Variants in ASB15 observed in about 807,000 individuals in gnomAD.
The protein encoded by ASB15 is ankyrin repeat and SOCS box containing 15.
Under a neutral mutation model 58.0 loss-of-function variants are expected in ASB15, and 54 were observed. The observed-to-expected ratio is 0.93, with a 90% CI of 0.75 to 1.17. The LOEUF is 1.17. ASB15 is among the 50% of genes most tolerant of loss of function. ASB15 has a pLI of 0.00. For synonymous variants in ASB15, 249 were observed against 262.4 expected, an observed-to-expected ratio of 0.95 and a Z score of 0.50; for missense variants, 680 against 707.4, an observed-to-expected ratio of 0.96 and a Z score of 0.44.
chr7:123,578,602 C>T (rs1030894672), intron 1 of ASB15, among the ~76,000 whole-genome samples: 1 of 151,992 alleles, frequency 6.6e-6, no homozygotes, highest in East Asian at 1.9e-4. Flanking sequence ...ATTATGGAGA[C>T]CTTTGCCAAT....
intron 4 of ASB15, 71 bp from the exon 5 acceptor site, chr7:123,616,150 A>T: frequency 3.2e-6 from 4 of 1,258,334 alleles, no homozygotes; most frequent in Non-Finnish European, 4.5e-6. Context: ...TGCAATATAA[A>T]TTAAAATGTT....
chr7:123,603,887 T>A (rs1044165157), intron 1 of ASB15, 145 bp from the exon 2 acceptor site: 1 of 152,328 alleles, frequency 6.6e-6, no homozygotes, highest in South Asian at 2.1e-4. Flanking sequence ...TTATCTGAAC[T>A]TGGACTAAAT....
chr7:123,608,265 C>T (rs1036830558), intron 2 of ASB15, among the ~76,000 whole-genome samples: 7 of 152,086 alleles, frequency 4.6e-5, no homozygotes, highest in African/African-American at 1.4e-4. Flanking sequence ...GAAGAGAATT[C>T]GGCAAAAATA....
chr7:123,617,563 T>C lies in ASB15; in HGVS notation c.293-16T>C. On this transcript the variant is annotated splice_polypyrimidine_tract_variant and intron_variant, in intron 6 of 11. Transcript: ENST00000451215. Reference sequence around the variant, plus strand: ...GAGTATTTTCAACTTTTCAACATAATGCTTTCATGTCACAGCATCCTATAA... The same window carrying C: ...GAGTATTTTCAACTTTTCAACATAACGCTTTCATGTCACAGCATCCTATAA... The C allele has an allele frequency of 6.3e-7, 1 of 1,592,600 alleles. No homozygotes were observed.
At chr7:123,634,428 A>T (rs905480964) in intron 11 of ASB15, among the ~76,000 whole-genome samples, 2 of 152,184 alleles carry the variant, frequency 1.3e-5, no homozygotes, top group African/African-American at 4.8e-5. Flanking sequence ...ATATGTATCA[A>T]ACTTTCTTTA....
chr7:123,571,606 A>G (rs900062420), intron 1 of ASB15, among the ~76,000 whole-genome samples: 6 of 152,256 alleles, frequency 3.9e-5, no homozygotes, highest in African/African-American at 1.4e-4. Context: ...GAAGCATTAT[A>G]TCAAAAAATA....
At chr7:123,591,628 C>T (rs1218263341) in intron 1 of ASB15, among the ~76,000 whole-genome samples, 1 of 152,178 alleles carries the variant, frequency 6.6e-6, no homozygotes, top group Non-Finnish European at 1.5e-5. Flanking sequence ...ATGAACCAGA[C>T]TTGCATCCCA....
Position 123,624,683 on chromosome 7 carries a change from GA to G in ASB15, c.570del (p.Asp191IlefsTer3). ...SAMHEAAKQG[R>X]KDIVALLLKH... ...ATGCATGAAGCAGCCAAGCAAGGCC[GA>G]AAAGATATCGTAGCTCTGCTGCTGA... On this transcript the variant is annotated frameshift_variant, in exon 8 of 12. Coordinates refer to ENST00000451215, the MANE Select transcript of ASB15 (RefSeq NM_001290258.2). LOFTEE classifies it high-confidence loss of function. 6.2e-7 allele frequency: 1 copy of G among 1,614,116 alleles called. No homozygotes were observed.
chr7:123,598,573 A>G (rs967693133), upstream of ASB15, among the ~76,000 whole-genome samples: 3 of 152,340 alleles, frequency 2.0e-5, no homozygotes, highest in South Asian at 2.1e-4. Context: ...ATTGACTTAA[A>G]CTTTGGTTAA....
At chr7:123,584,476 C>T (rs1799324289) in intron 1 of ASB15, among the ~76,000 whole-genome samples, 1 of 151,950 alleles carries the variant, frequency 6.6e-6, no homozygotes. Flanking sequence ...ATGGAAGTCA[C>T]ACTTAAGAGT....
chr7:123,623,449 A>G (rs1801466920), intron 7 of ASB15, among the ~76,000 whole-genome samples: 2 of 152,170 alleles, frequency 1.3e-5, no homozygotes, highest in Non-Finnish European at 2.9e-5. Flanking sequence ...AGAGAGGGAG[A>G]GGGACAACTG....
At chr7:123,597,848 C>T (rs117465552), upstream of ASB15, among the ~76,000 whole-genome samples, 112 of 151,944 alleles carry the variant, frequency 7.4e-4, no homozygotes, top group East Asian at 0.016. Flanking sequence ...AATAATCCTT[C>T]ACAGATATGG....
chr7:123,575,895 T>G (rs1799051400), intron 1 of ASB15, among the ~76,000 whole-genome samples: 1 of 150,850 alleles, frequency 6.6e-6, no homozygotes. Context: ...TTCCCTGGCA[T>G]GCATAGTGTG....
rs182030519 is a variant in ASB15, at chr7:123,631,117, C to T, written c.1594+998C>T. On this transcript the variant is annotated intron_variant, in intron 11 of 11. Transcript: ENST00000451215. ...CAACAATTTATTGTTACCATTTTTG[C>T]TTCTCTAAGTGGAGGAGGATTTTTT... Among the ~76,000 whole-genome samples the T allele has an allele frequency of 4.3e-3, 655 of 152,236 alleles. 2 individuals carry two copies. The highest frequency in any genetic ancestry group is 5.5e-3 in the Non-Finnish European group (375 of 68,000).
chr7:123,628,841 GAT>G (rs1462696023), intron 9 of ASB15, 21 bp from the exon 10 acceptor site: 28 of 1,417,562 alleles, frequency 2.0e-5, no homozygotes, highest in Non-Finnish European at 2.6e-5. Flanking sequence ...ATGGCAAGTA[GAT>G]ATTTGACTTT....
Position 123,636,850 on chromosome 7 carries a change from C to T in ASB15, c.1636C>T (p.Arg546Ter), listed in dbSNP as rs1237485684. 4.3e-6 allele frequency: 7 copies of T among 1,611,308 alleles called. No individual in the cohort carries two copies. Among genetic ancestry groups the T allele is most frequent in the East Asian group, 2.2e-5 (1 of 44,862 alleles). ...SLKHLCRLKIRRLMGLQKLCQ... is the reference protein window; with the variant it reads ...SLKHLCRLKI ...GAAGCATTTGTGTCGGTTAAAAATT[C>T]GAAGGCTTATGGGTCTCCAGAAACT... The change falls in exon 12 of 12, where the codon CGA becomes TGA. Residue 546 changes from arginine to a stop codon, truncating the protein, a stop_gained. Transcript: ENST00000451215. LOFTEE classifies it high-confidence loss of function.
At chr7:123,632,193 G>A (rs1486308364) in intron 11 of ASB15, among the ~76,000 whole-genome samples, 2 of 152,048 alleles carry the variant, frequency 1.3e-5, no homozygotes, top group Non-Finnish European at 2.9e-5. Flanking sequence ...TAAAAAGCAT[G>A]AGGAAAATAA....
intron 4 of ASB15, among the ~76,000 whole-genome samples, chr7:123,615,070 A>G (rs1800712966): frequency 1.3e-5 from 2 of 152,200 alleles, no homozygotes; most frequent in Non-Finnish European, 1.5e-5. Context: ...ATGCTAAGCC[A>G]TGTAGCCCAT....
At chr7:123,623,655 G>C (rs1024071789) in intron 7 of ASB15, among the ~76,000 whole-genome samples, 2 of 151,988 alleles carry the variant, frequency 1.3e-5, no homozygotes, top group African/African-American at 4.8e-5. Context: ...CACGAGGTCA[G>C]GAGTTTGAGA....
Sources: allele counts gnomAD v4.1 joint callset (sites outside exome capture counted in the v4.1 genomes callset), GRCh38; gene constraint gnomAD v4.1.1; transcripts MANE v1.5; gene names NCBI Gene and HGNC (gene_info 2026-07-23, HGNC 2026-07-21).